DNAI7: variants seen among roughly 807,000 people sequenced by gnomAD.
DNAI7 encodes the protein cancer susceptibility 1.
Under a neutral mutation model 86.6 loss-of-function variants are expected in DNAI7, and 78 were observed. The observed-to-expected ratio is 0.90, with a 90% confidence interval of 0.75 to 1.09. DNAI7 has a LOEUF of 1.09. Ranked by LOEUF, DNAI7 falls within the 50% of genes least tolerant of loss-of-function variation. DNAI7 has a pLI of 0.00. For missense variants in DNAI7, 753 were observed against 810.2 expected, an observed-to-expected ratio of 0.93 and a Z score of 0.86; for synonymous variants, 274 against 273.0, an observed-to-expected ratio of 1.00 and a Z score of -0.04.
chr12:25,129,797 T>C (rs1392367399), intron 9 of DNAI7, among the ~76,000 whole-genome samples: 1 of 151,994 alleles, frequency 6.6e-6, no homozygotes, highest in Non-Finnish European at 1.5e-5. Flanking sequence ...AGTTTCACTC[T>C]TACTGCCCAG....
chr12:25,190,048 T>C (rs1269276065), intron 2 of DNAI7, among the ~76,000 whole-genome samples: 1 of 149,646 alleles, frequency 6.7e-6, no homozygotes, highest in East Asian at 2.0e-4. Flanking sequence ...GTAGGGTAAA[T>C]TTGGACTGCC....
chr12:25,129,227 T>C (rs780385393), intron 9 of DNAI7, among the ~76,000 whole-genome samples: 2 of 152,226 alleles, frequency 1.3e-5, no homozygotes, highest in Non-Finnish European at 2.9e-5. Flanking sequence ...CACTCCCAGT[T>C]TAATCCTGTT....
chr12:25,182,639 A>ACACACACACAC (rs1555184991), intron 2 of DNAI7, among the ~76,000 whole-genome samples: 75 of 36,926 alleles, frequency 2.0e-3, no homozygotes, highest in South Asian at 0.01. Flanking sequence ...CACACACACA[A>ACACACACACAC]GCCAGATGTG....
intron 9 of DNAI7, among the ~76,000 whole-genome samples, chr12:25,140,980 A>T (rs532965503): frequency 1.0e-3 from 154 of 152,320 alleles, no homozygotes; most frequent in Middle Eastern, 3.4e-3. Flanking sequence ...CCGATTCAAC[A>T]AATGGTGCTG....
intron 2 of DNAI7, among the ~76,000 whole-genome samples, chr12:25,167,867 T>C (rs1947668082): frequency 6.6e-6 from 1 of 152,194 alleles, no homozygotes; most frequent in Non-Finnish European, 1.5e-5. Context: ...CTACTATTCC[T>C]GTGGCTGCTC....
At chr12:25,185,501 G>C (rs559443830) in intron 2 of DNAI7, among the ~76,000 whole-genome samples, 2 of 152,028 alleles carry the variant, frequency 1.3e-5, no homozygotes, top group Admixed American at 6.6e-5. Context: ...AACTGTTTTC[G>C]AACTTAAACT....
chr12:25,171,206 A>C (rs150178312), intron 2 of DNAI7, among the ~76,000 whole-genome samples: 1 of 152,166 alleles, frequency 6.6e-6, no homozygotes, highest in African/African-American at 2.4e-5. Context: ...GAAAAGATAA[A>C]TAAAATTGAT....
At position 25,113,957 on chromosome 12, in the gene DNAI7, T is replaced by G. The variant is rs1246553133; in HGVS notation, c.1611+699A>C. ...TTCTGGGTTTTTTTTTTTTTTTTTTTTTTTTTGAGACAGAGTTTCACTCTG... is the reference window on the plus strand; with the variant it reads ...TTCTGGGTTTTTTTTTTTTTTTTTTGTTTTTTGAGACAGAGTTTCACTCTG... On this transcript the variant is annotated intron_variant, in intron 13 of 15. Coordinates refer to ENST00000395987, the MANE Select transcript of DNAI7 (RefSeq NM_018272.5). 7.5e-5 allele frequency among the ~76,000 whole-genome samples: 11 copies of G among 146,964 alleles called. No individual in the cohort carries two copies. The East Asian group carries it at 2.1e-3, about 29-fold the overall frequency.
chr12:25,179,134 C>A (rs1255265107), intron 2 of DNAI7, among the ~76,000 whole-genome samples: 1 of 152,022 alleles, frequency 6.6e-6, no homozygotes, highest in Admixed American at 6.6e-5. Context: ...TATATTACTT[C>A]TTGACCCATT....
chr12:25,126,240 A>T (rs1942117302), intron 9 of DNAI7, among the ~76,000 whole-genome samples: 1 of 152,114 alleles, frequency 6.6e-6, no homozygotes, highest in Non-Finnish European at 1.5e-5. Flanking sequence ...GGCTGGAGAG[A>T]TGCAGGGGCC....
chr12:25,157,761 A>C (rs1271104912), intron 4 of DNAI7, among the ~76,000 whole-genome samples: 1 of 152,238 alleles, frequency 6.6e-6, no homozygotes, highest in Non-Finnish European at 1.5e-5. Flanking sequence ...AATATTTCAG[A>C]ATTACTGATC....
At chr12:25,167,908 G>A (rs1947675527) in intron 2 of DNAI7, among the ~76,000 whole-genome samples, 1 of 152,062 alleles carries the variant, frequency 6.6e-6, no homozygotes, top group African/African-American at 2.4e-5. Flanking sequence ...AGACCCATTG[G>A]AATTCCCCTG....
intron 2 of DNAI7, among the ~76,000 whole-genome samples, chr12:25,178,971 G>A (rs4274277): frequency 0.042 from 6,351 of 151,634 alleles, 438 homozygotes; most frequent in African/African-American, 0.14. Flanking sequence ...TCTTGAGAAG[G>A]ATACCTAGGA....
intron 1 of DNAI7, chr12:25,192,862 T>C (rs1304613388): frequency 7.0e-6 from 1 of 142,322 alleles, no homozygotes; most frequent in Non-Finnish European, 1.5e-5. Context: ...AAAAATCATA[T>C]GTTGGCTGGG....
At chr12:25,191,824 C>T (rs1017339248) in intron 1 of DNAI7, among the ~76,000 whole-genome samples, 8 of 152,022 alleles carry the variant, frequency 5.3e-5, no homozygotes, top group African/African-American at 1.9e-4. Flanking sequence ...CACAGGATTT[C>T]AAAAAAGACT....
chr12:25,165,268 G>A (rs1947325915), intron 2 of DNAI7, among the ~76,000 whole-genome samples: 1 of 152,198 alleles, frequency 6.6e-6, no homozygotes, highest in South Asian at 2.1e-4. Flanking sequence ...TAATAAAGTA[G>A]AGGCAGCCAA....
At position 25,110,107 on chromosome 12, in the gene DNAI7, T is replaced by C; in HGVS notation, c.1893+20A>G. On this transcript the variant is annotated intron_variant, in intron 15 of 15. Transcript: ENST00000395987. ...TCTTTTGGAGGACAAAGTAGTTTTA[T>C]GGGTTTCTACATATCATACCTTAAA... 8.3e-7 allele frequency: 1 copy of C among 1,205,390 alleles called. No homozygotes were observed. The allele number at this position is 1,205,390 out of a possible 1,614,324, so 74.7% of individuals were successfully genotyped here.
chr12:25,189,823 CTA>C (rs1950341456), intron 2 of DNAI7, among the ~76,000 whole-genome samples: 1 of 152,114 alleles, frequency 6.6e-6, no homozygotes, highest in Non-Finnish European at 1.5e-5. Context: ...ATGGTCAAGA[CTA>C]TGGCAAATCA....
chr12:25,120,441 G>A (rs995535850), intron 11 of DNAI7, among the ~76,000 whole-genome samples: 2 of 151,990 alleles, frequency 1.3e-5, no homozygotes, highest in African/African-American at 4.8e-5. Flanking sequence ...AAACCAAGTC[G>A]GCCGGGCGCG....
Sources: allele counts gnomAD v4.1 joint callset (sites outside exome capture counted in the v4.1 genomes callset), GRCh38; gene constraint gnomAD v4.1.1; transcripts MANE v1.5; gene names NCBI Gene and HGNC (gene_info 2026-07-23, HGNC 2026-07-21).